UBE2R2: variants seen among roughly 807,000 people sequenced by gnomAD.
UBE2R2 encodes the protein ubiquitin-conjugating enzyme E2 R2.
Under a neutral mutation model 27.8 loss-of-function variants are expected in UBE2R2, and 1 was observed. That is an observed-to-expected ratio of 0.04 (90% CI 0.01 to 0.17). The LOEUF (loss-of-function observed/expected upper bound fraction) is 0.17, where lower values mean the gene tolerates loss of function less well. Among genes scored for constraint, UBE2R2 ranks in the 10% least tolerant of loss-of-function variants. The probability of loss-of-function intolerance (pLI) is 1.00; values close to 1 mark genes in which losing one functional copy is unlikely to be tolerated. For synonymous variants in UBE2R2, 106 were observed against 113.3 expected, an observed-to-expected ratio of 0.94 and a Z score of 0.41; for missense variants, 100 against 291.0, an observed-to-expected ratio of 0.34 and a Z score of 4.78.
intron 1 of UBE2R2, among the ~76,000 whole-genome samples, chr9:33,849,020 G>A (rs1403785628): frequency 6.6e-6 from 1 of 151,920 alleles, no homozygotes; most frequent in African/African-American, 2.4e-5. Flanking sequence ...ACTTTGGGAG[G>A]CCAAGGAGGG....
intron 2 of UBE2R2, among the ~76,000 whole-genome samples, chr9:33,888,305 A>G (rs1241325329): frequency 2.0e-5 from 3 of 148,150 alleles, no homozygotes; most frequent in Non-Finnish European, 4.6e-5. Flanking sequence ...ATTTCAAAAA[A>G]CAAAAAAACA....
At chr9:33,869,479 T>A (rs563995858) in intron 1 of UBE2R2, among the ~76,000 whole-genome samples, 1 of 150,736 alleles carries the variant, frequency 6.6e-6, no homozygotes, top group African/African-American at 2.5e-5. Flanking sequence ...AGAGTTTCGC[T>A]CTTGTTGCCC....
At chr9:33,858,426 T>C (rs148636541) in intron 1 of UBE2R2, among the ~76,000 whole-genome samples, 1 of 152,252 alleles carries the variant, frequency 6.6e-6, no homozygotes, top group African/African-American at 2.4e-5. Flanking sequence ...TTAATTTTTT[T>C]TTTCCTCAGA....
intron 1 of UBE2R2, among the ~76,000 whole-genome samples, chr9:33,822,621 G>T (rs1820173758): frequency 6.6e-6 from 1 of 150,816 alleles, no homozygotes; most frequent in Non-Finnish European, 1.5e-5. Flanking sequence ...ATGCAGAAAG[G>T]GTCTCATAGG....
chr9:33,817,682 A>AG lies in UBE2R2; in HGVS notation c.-72dup. 1 of 1,222,112 alleles carries AG rather than the reference A, an allele frequency of 8.2e-7. No homozygotes were observed. Among genetic ancestry groups the AG allele is most frequent in the Non-Finnish European group, 1.0e-6 (1 of 981,222 alleles). The allele number at this position is 1,222,112 out of a possible 1,614,324, so 75.7% of individuals were successfully genotyped here. A position where few individuals can be genotyped will look rare whatever the true frequency, so the allele number is the denominator to read the frequency against. On this transcript the variant is annotated 5_prime_UTR_variant, in exon 1 of 5. Coordinates refer to ENST00000263228, the MANE Select transcript of UBE2R2 (RefSeq NM_017811.4). ...CCCGGCCGGAGGGCGAGCGGAGGGG[A>AG]GGGGCCTGGTCCGGCCCGGCCGGTG...
At chr9:33,887,169 G>C (rs559250451) in intron 2 of UBE2R2, among the ~76,000 whole-genome samples, 4 of 152,224 alleles carry the variant, frequency 2.6e-5, no homozygotes, top group African/African-American at 9.6e-5. Context: ...ATATTCTACA[G>C]GATAAAGGAT....
chr9:33,868,342 A>T (rs1278204025), intron 1 of UBE2R2, among the ~76,000 whole-genome samples: 2 of 152,288 alleles, frequency 1.3e-5, no homozygotes, highest in East Asian at 3.9e-4. Flanking sequence ...GACAAACTTA[A>T]GGGTGGGGCT....
At chr9:33,821,552 A>G (rs1825981830) in intron 1 of UBE2R2, among the ~76,000 whole-genome samples, 1 of 152,154 alleles carries the variant, frequency 6.6e-6, no homozygotes, top group South Asian at 2.1e-4. Flanking sequence ...TTATTTATCT[A>G]AAGCATTATA....
chr9:33,857,857 T>C (rs1479560391), intron 1 of UBE2R2, among the ~76,000 whole-genome samples: 1 of 152,238 alleles, frequency 6.6e-6, no homozygotes, highest in African/African-American at 2.4e-5. Flanking sequence ...TGTTCATTTG[T>C]CCTTTTTTCC....
rs371740476 is a variant in UBE2R2, at chr9:33,841,945, T to C, written c.177+24011T>C. ...CCGACATCATCATATCTGTATTATATCTATCTTGTCAGATTATTCATTACA... is the reference window on the plus strand; with the variant it reads ...CCGACATCATCATATCTGTATTATACCTATCTTGTCAGATTATTCATTACA... On this transcript the variant is annotated intron_variant, in intron 1 of 4. Transcript: ENST00000263228. Among the ~76,000 whole-genome samples the C allele has an allele frequency of 1.2e-4, 18 of 152,298 alleles. No homozygotes were observed. In the South Asian group the frequency reaches 2.1e-3, roughly 18 times the overall value.
intron 4 of UBE2R2, among the ~76,000 whole-genome samples, chr9:33,914,611 G>A (rs1016447889): frequency 6.6e-6 from 1 of 152,138 alleles, no homozygotes; most frequent in African/African-American, 2.4e-5. Context: ...TGGATCACCT[G>A]AGGTCAAGAG....
At chr9:33,819,136 G>C (rs1203224090) in intron 1 of UBE2R2, among the ~76,000 whole-genome samples, 1 of 152,150 alleles carries the variant, frequency 6.6e-6, no homozygotes, top group East Asian at 1.9e-4. Context: ...TCAAAATTAA[G>C]TAAAATAGGC....
rs567512799 is a variant in UBE2R2, at chr9:33,919,222, G to T, written c.*1985G>T. The T allele has an allele frequency of 2.0e-5, 3 of 152,152 alleles. No individual in the cohort carries two copies. Among genetic ancestry groups the T allele is most frequent in the African/African-American group, 7.2e-5 (3 of 41,422 alleles). 9.4% of individuals were successfully genotyped at this position (152,152 alleles called of 1,614,324 possible). On this transcript the variant is annotated 3_prime_UTR_variant, in exon 5 of 5. Transcript: ENST00000263228. ...ACTACCTTTTTACTCCCCATACTTTGTAAGTAATGCTTCCAGATTAACCTG... is the reference window on the plus strand; with the variant it reads ...ACTACCTTTTTACTCCCCATACTTTTTAAGTAATGCTTCCAGATTAACCTG...
chr9:33,878,953 C>T (rs893313485), intron 1 of UBE2R2, among the ~76,000 whole-genome samples: 1 of 152,132 alleles, frequency 6.6e-6, no homozygotes, highest in Non-Finnish European at 1.5e-5. Flanking sequence ...TCCCACTAGC[C>T]TGACTCCTTT....
chr9:33,862,363 G>T (rs1821259498), intron 1 of UBE2R2, among the ~76,000 whole-genome samples: 1 of 152,048 alleles, frequency 6.6e-6, no homozygotes, highest in Non-Finnish European at 1.5e-5. Context: ...CGTTATGTTA[G>T]CCGCCTGCCC....
At position 33,830,243 on chromosome 9, in the gene UBE2R2, C is replaced by T. The variant is rs916519562; in HGVS notation, c.177+12309C>T. Among the ~76,000 whole-genome samples the T allele has an allele frequency of 4.1e-4, 62 of 150,854 alleles. 1 individual carries two copies. The highest frequency in any genetic ancestry group is 1.5e-3 in the African/African-American group (60 of 41,198). ...CGTGACCTCAGCTCACTGCACCTTC[C>T]ACCTCTTGGATTCAAACAATTCTCA... On this transcript the variant is annotated intron_variant, in intron 1 of 4. Transcript: ENST00000263228.
chr9:33,836,764 A>AT (rs1260961170), intron 1 of UBE2R2, among the ~76,000 whole-genome samples: 9 of 145,524 alleles, frequency 6.2e-5, no homozygotes, highest in South Asian at 2.3e-4. Context: ...TCTCAAAAAA[A>AT]AAAAATATAT....
At position 33,917,084 on chromosome 9, in the gene UBE2R2, G is replaced by A. The variant is rs367750020; in HGVS notation, c.564G>A (p.Ala188=). The A allele has an allele frequency of 2.7e-4, 439 of 1,614,184 alleles. 6 individuals carry two copies. In the South Asian group the frequency reaches 3.2e-3, roughly 12 times the overall value. ...KDGVKVPTTL[A]EYCIKTKVPS... is the part of the protein sequence containing the mutation. The stretch of plus-strand genomic sequence containing the variant: ...GAGTGAAGGTCCCCACAACCCTGGC[G>A]GAATACTGCATCAAAACTAAAGTGC... Residue 188 remains alanine, a synonymous_variant, in exon 5 of 5, where the codon GCG becomes GCA. Transcript: ENST00000263228.
At chr9:33,896,036 G>C (rs1023182012) in intron 2 of UBE2R2, among the ~76,000 whole-genome samples, 1 of 152,004 alleles carries the variant, frequency 6.6e-6, no homozygotes, top group Admixed American at 6.6e-5. Flanking sequence ...GCCCCCCAAA[G>C]TGCTGGGATT....
Sources: gnomAD v4.1 joint callset for allele counts (sites outside exome capture counted in the v4.1 genomes callset) on GRCh38, gnomAD v4.1.1 for gene constraint, MANE v1.5 for transcripts, NCBI Gene and HGNC (gene_info 2026-07-23, HGNC 2026-07-21) for gene names.